The following SPOCK1 variants were observed in gnomAD, a reference collection of about 807,000 sequenced individuals.
The protein encoded by SPOCK1 is SPARC (osteonectin), cwcv and kazal like domains proteoglycan 1, also known as testican-1.
In SPOCK1, 23 loss-of-function variants were observed where a neutral mutation model predicts 55.3. The observed-to-expected ratio is 0.42, with a 90% CI of 0.30 to 0.59. The LOEUF (loss-of-function observed/expected upper bound fraction) is 0.59, where lower values mean the gene tolerates loss of function less well. Among genes scored for constraint, SPOCK1 ranks in the 20% least tolerant of loss-of-function variants. The pLI is 0.22. For missense variants in SPOCK1, 499 were observed against 552.5 expected (o/e 0.90, Z 0.97); for synonymous variants, 226 against 221.0 (o/e 1.02, Z -0.20).
chr5:137,147,813 T>G (rs756087656), intron 3 of SPOCK1, among the ~76,000 whole-genome samples: 2 of 152,178 alleles, frequency 1.3e-5, no homozygotes, highest in Non-Finnish European at 2.9e-5. Flanking sequence ...ACATAATACA[T>G]TTTTTAAACA....
At chr5:137,375,382 A>C (rs752071153) in intron 2 of SPOCK1, among the ~76,000 whole-genome samples, 1 of 152,220 alleles carries the variant, frequency 6.6e-6, no homozygotes, top group East Asian at 1.9e-4. Context: ...CAAAATGAAC[A>C]GTTGGTGATA....
intron 2 of SPOCK1, among the ~76,000 whole-genome samples, chr5:137,302,380 C>T (rs2961636): frequency 0.5 from 73,041 of 146,848 alleles, 20,169 homozygotes; most frequent in African/African-American, 0.77. Flanking sequence ...CCATCCTGGC[C>T]AACACAGTGA....
intron 3 of SPOCK1, among the ~76,000 whole-genome samples, chr5:137,209,637 G>A (rs545103897): frequency 5.5e-4 from 84 of 152,108 alleles, no homozygotes; most frequent in Non-Finnish European, 9.9e-4. Flanking sequence ...CCTCCATTAT[G>A]GCCCTCCTGA....
intron 9 of SPOCK1, among the ~76,000 whole-genome samples, chr5:136,980,961 G>A (rs1750718828): frequency 6.6e-6 from 1 of 151,988 alleles, no homozygotes; most frequent in East Asian, 1.9e-4. Flanking sequence ...GATTTACCTG[G>A]GTCTTCTGTT....
At chr5:137,004,440 T>A (rs1020579786) in intron 6 of SPOCK1, among the ~76,000 whole-genome samples, 3 of 152,158 alleles carry the variant, frequency 2.0e-5, no homozygotes, top group African/African-American at 7.2e-5. Context: ...CCTGAGGGCA[T>A]GATTAGGTAT....
intron 6 of SPOCK1, among the ~76,000 whole-genome samples, chr5:136,995,322 A>G (rs1486664131): frequency 6.6e-6 from 1 of 152,152 alleles, no homozygotes; most frequent in African/African-American, 2.4e-5. Flanking sequence ...ATGCTCCCAA[A>G]TAGCAGGGAA....
At chr5:137,162,541 C>A (rs1754579970) in intron 3 of SPOCK1, among the ~76,000 whole-genome samples, 1 of 152,118 alleles carries the variant, frequency 6.6e-6, no homozygotes, top group South Asian at 2.1e-4. Context: ...CCTCTAAAAA[C>A]ATTTTTGCTT....
intron 6 of SPOCK1, among the ~76,000 whole-genome samples, chr5:137,062,880 TGA>T (rs1228195765): frequency 1.3e-5 from 2 of 152,154 alleles, no homozygotes; most frequent in African/African-American, 2.4e-5. Flanking sequence ...TTTATGGAGA[TGA>T]GAGAGATAAG....
At chr5:137,412,742 T>C (rs1301612704) in intron 2 of SPOCK1, among the ~76,000 whole-genome samples, 1 of 152,196 alleles carries the variant, frequency 6.6e-6, no homozygotes, top group Non-Finnish European at 1.5e-5. Flanking sequence ...TGTGTTGCCC[T>C]TCACAGGCCT....
At chr5:137,137,612 T>C (rs926552999) in intron 4 of SPOCK1, among the ~76,000 whole-genome samples, 25 of 152,210 alleles carry the variant, frequency 1.6e-4, no homozygotes, top group Admixed American at 1.6e-3. Context: ...GCTTTTTCCA[T>C]TGAACCAGTG....
chr5:137,121,294 CTTATTT>C (rs1442828319), intron 4 of SPOCK1, among the ~76,000 whole-genome samples: 2 of 152,004 alleles, frequency 1.3e-5, no homozygotes, highest in East Asian at 3.9e-4. Context: ...TGCTCTTATT[CTTATTT>C]TGAGACATTA....
chr5:137,043,478 A>C (rs1443440995), intron 6 of SPOCK1, among the ~76,000 whole-genome samples: 3 of 152,184 alleles, frequency 2.0e-5, no homozygotes, highest in East Asian at 3.8e-4. Context: ...AGTATGGTGT[A>C]GAAATGGGGT....
chr5:137,274,515 T>A (rs1456318946), intron 2 of SPOCK1, among the ~76,000 whole-genome samples: 6 of 152,236 alleles, frequency 3.9e-5, no homozygotes, highest in African/African-American at 1.4e-4. Flanking sequence ...GTGCTTGGTA[T>A]GATATCTGGC....
At chr5:137,193,165 G>A (rs1200205405) in intron 3 of SPOCK1, among the ~76,000 whole-genome samples, 1 of 152,170 alleles carries the variant, frequency 6.6e-6, no homozygotes, top group Admixed American at 6.5e-5. Context: ...TACCAATTAG[G>A]AGACTGCTGC....
chr5:137,109,632 T>C (rs1753430256), intron 5 of SPOCK1, among the ~76,000 whole-genome samples: 1 of 152,190 alleles, frequency 6.6e-6, no homozygotes, highest in Non-Finnish European at 1.5e-5. Flanking sequence ...TGTCCCTGCT[T>C]AGACGGTTTC....
rs1750884008 is a variant in SPOCK1, at chr5:136,988,480, G to A, written c.870C>T (p.Ser290=). 1.9e-6 allele frequency: 3 copies of A among 1,614,046 alleles called. No homozygotes were observed. Among genetic ancestry groups the A allele is most frequent in the African/African-American group, 1.3e-5 (1 of 74,920 alleles). Residue 290 remains serine, a synonymous_variant, in exon 8 of 11, where the codon TCC becomes TCT. Coordinates refer to ENST00000394945, the MANE Select transcript of SPOCK1 (RefSeq NM_004598.4). The stretch of plus-strand genomic sequence containing the variant: ...TGTTAGAAAGCTTGCCATCCTTGAA[G>A]GAGTCACACGAGTTGAAAAGAGGCT... ...CIKPLFNSCD[S]FKDGKLSNNE...
intron 5 of SPOCK1, among the ~76,000 whole-genome samples, chr5:137,104,210 CAGG>C (rs1753321868): frequency 6.6e-6 from 1 of 152,120 alleles, no homozygotes; most frequent in Non-Finnish European, 1.5e-5. Context: ...TAAGAGTTCT[CAGG>C]AGATCTGTTT....
chr5:137,148,551 T>C (rs1754249813), intron 3 of SPOCK1, among the ~76,000 whole-genome samples: 1 of 151,952 alleles, frequency 6.6e-6, no homozygotes, highest in Non-Finnish European at 1.5e-5. Context: ...GAAAGTGTGA[T>C]GGGAGTGGAA....
intron 2 of SPOCK1, among the ~76,000 whole-genome samples, chr5:137,280,905 C>T (rs541669940): frequency 6.6e-6 from 1 of 152,308 alleles, no homozygotes; most frequent in Admixed American, 6.5e-5. Context: ...GAAGGACAGA[C>T]ACCTCCACCA....
Sources: allele counts gnomAD v4.1 joint callset (sites outside exome capture counted in the v4.1 genomes callset), GRCh38; gene constraint gnomAD v4.1.1; transcripts MANE v1.5; gene names NCBI Gene and HGNC (gene_info 2026-07-23, HGNC 2026-07-21).